The following TPGS2 variants were observed in gnomAD, a reference collection of about 807,000 sequenced individuals.
TPGS2 encodes the protein tubulin polyglutamylase complex subunit 2.
In TPGS2, 26 loss-of-function variants were observed where a neutral mutation model predicts 31.1. The observed-to-expected ratio is 0.84, with a 90% CI of 0.61 to 1.16. The LOEUF (loss-of-function observed/expected upper bound fraction) is 1.16. Among genes scored for constraint, TPGS2 ranks in the 50% most tolerant of loss-of-function variants. The pLI, the probability that TPGS2 is intolerant of heterozygous loss-of-function variation, is 0.00. For synonymous variants in TPGS2, 130 were observed against 136.6 expected (o/e 0.95, Z 0.34); for missense variants, 351 against 363.8 (o/e 0.96, Z 0.29).
At chr18:36,803,371 G>A (rs1417573187) in intron 4 of TPGS2, among the ~76,000 whole-genome samples, 1 of 152,074 alleles carries the variant, frequency 6.6e-6, no homozygotes, top group African/African-American at 2.4e-5. Flanking sequence ...GTCCTCATCT[G>A]CTGAGTTAAT....
At position 36,795,933 on chromosome 18, in the gene TPGS2, G is replaced by A; in HGVS notation, c.*872C>T. Reference sequence around the variant, plus strand: ...GAAGAGTTGTGCAAAACAATGTTTGGGAATTTTTTGTTTTTAAATGGTAAG... The same window carrying A: ...GAAGAGTTGTGCAAAACAATGTTTGAGAATTTTTTGTTTTTAAATGGTAAG... On this transcript the variant is annotated 3_prime_UTR_variant, in exon 7 of 7. Transcript: ENST00000334295. 1.0e-6 allele frequency: 1 copy of A among 985,356 alleles called. No individual in the cohort carries two copies. The highest frequency in any genetic ancestry group is 1.2e-6 in the Non-Finnish European group (1 of 829,910). The allele number at this position is 985,356 out of a possible 1,614,324, so 61.0% of individuals were successfully genotyped here.
In TPGS2 at chr18:36,798,618, G is replaced by C; in HGVS notation, c.497-9C>G. On this transcript the variant is annotated splice_polypyrimidine_tract_variant and intron_variant, in intron 5 of 6. Coordinates refer to ENST00000334295, the MANE Select transcript of TPGS2 (RefSeq NM_015476.4). ...AGTGTCTTCTGCTAATGCTGAAGTA[G>C]AAGACAAAGGAAGTAAAAGATAAAG... 6.2e-7 allele frequency: 1 copy of C among 1,609,802 alleles called. No homozygotes were observed. Among genetic ancestry groups the C allele is most frequent in the Non-Finnish European group, 8.5e-7 (1 of 1,176,836 alleles).
downstream of TPGS2, among the ~76,000 whole-genome samples, chr18:36,793,850 G>A (rs893665362): frequency 2.0e-5 from 3 of 151,622 alleles, no homozygotes; most frequent in African/African-American, 4.9e-5. Flanking sequence ...CCATTCTCCT[G>A]CCTCAGCCTC....
chr18:36,822,118 C>G (rs1021411795), intron 1 of TPGS2, among the ~76,000 whole-genome samples: 30 of 152,210 alleles, frequency 2.0e-4, no homozygotes, highest in African/African-American at 7.0e-4. Context: ...GATTCCACAG[C>G]TATCCTTCTA....
intron 6 of TPGS2, among the ~76,000 whole-genome samples, chr18:36,788,026 T>C (rs887487992): frequency 9.2e-5 from 14 of 152,386 alleles, no homozygotes; most frequent in Middle Eastern, 3.4e-3. Flanking sequence ...CACACACATA[T>C]AGAAGTTCAC....
chr18:36,803,541 A>AGTAT (rs1467053713), intron 4 of TPGS2, among the ~76,000 whole-genome samples: 1 of 152,060 alleles, frequency 6.6e-6, no homozygotes, highest in African/African-American at 2.4e-5. Flanking sequence ...GTCTTTTATT[A>AGTAT]GTATGTATTT....
chr18:36,795,200 A>ATGTT lies in TPGS2; in HGVS notation c.*1601_*1604dup, dbSNP rs2044472322. On this transcript the variant is annotated 3_prime_UTR_variant, in exon 7 of 7. Transcript: ENST00000334295. Reference sequence around the variant, plus strand: ...ACTATTGTCAACAATCAAAATAAACATGTTTCAGAGCAAAAGTGCATGTGG... The same window carrying ATGTT: ...ACTATTGTCAACAATCAAAATAAACATGTTTGTTTCAGAGCAAAAGTGCATGTGG... 1.0e-6 allele frequency: 1 copy of ATGTT among 985,288 alleles called. No homozygotes were observed. Among genetic ancestry groups the ATGTT allele is most frequent in the African/African-American group, 1.7e-5 (1 of 57,216 alleles). The allele number at this position is 985,288 out of a possible 1,614,324, so 61.0% of individuals were successfully genotyped here.
rs747748252 is a variant in TPGS2, at chr18:36,807,888, A to T, written c.212T>A (p.Met71Lys). Residue 71 changes from methionine (M) to lysine (K), a missense_variant, in exon 3 of 7, where the codon ATG becomes AAG. Transcript: ENST00000334295. Reference protein sequence around the residue: ...MPEDVKNFYLMTNGFHMTWSV... With the variant: ...MPEDVKNFYLKTNGFHMTWSV... ...CCATGTCATGTGGAAGCCATTGGTC[A>T]TCAGGTAAAAGTTCTTCACATCTTC... The T allele has an allele frequency of 6.2e-7, 1 of 1,614,202 alleles. No individual in the cohort carries two copies. The highest frequency in any genetic ancestry group is 1.7e-5 in the Admixed American group (1 of 60,032).
In TPGS2 at chr18:36,805,304, A is replaced by G. The variant is rs895327010; in HGVS notation, c.382+70T>C. ...TTCATTCATGCACCAAGATTCATTA[A>G]GTACCTACTATGCGCCAGGCATGGA... On this transcript the variant is annotated intron_variant, in intron 4 of 6. Coordinates refer to ENST00000334295, the MANE Select transcript of TPGS2 (RefSeq NM_015476.4). 6 of 1,544,666 alleles carry G rather than the reference A, an allele frequency of 3.9e-6. No homozygotes were observed. The African/African-American group carries it at 8.2e-5, about 21-fold the overall frequency.
At chr18:36,800,788 G>C (rs1007058545) in intron 4 of TPGS2, among the ~76,000 whole-genome samples, 6 of 151,362 alleles carry the variant, frequency 4.0e-5, no homozygotes, top group African/African-American at 1.5e-4. Context: ...CTCCCGGGTT[G>C]AAGCAATTCT....
chr18:36,798,343 A>C, intron 6 of TPGS2, 106 bp downstream of exon 6: 6 of 1,562,196 alleles, frequency 3.8e-6, no homozygotes, highest in Non-Finnish European at 5.2e-6. Context: ...GCCCCACCCT[A>C]GATCTCCTGA....
intron 2 of TPGS2, among the ~76,000 whole-genome samples, chr18:36,810,016 A>ATATT (rs2045345474): frequency 6.6e-6 from 1 of 152,240 alleles, no homozygotes. Flanking sequence ...GTGAAATCAA[A>ATATT]TATTTAACAC....
Position 36,794,497 on chromosome 18 carries a change from G to C in TPGS2, c.*2308C>G. On this transcript the variant is annotated 3_prime_UTR_variant, in exon 7 of 7. Transcript: ENST00000334295. The stretch of plus-strand genomic sequence containing the variant: ...CTGATTTAGAAATGCTGTGATTCGG[G>C]GGATCTCCAAGTACTAAAAAAGGGG... The C allele has an allele frequency of 1.0e-6, 1 of 985,338 alleles. No homozygotes were observed. The highest frequency in any genetic ancestry group is 6.1e-5 in the Admixed American group (1 of 16,274). The allele number at this position is 985,338 out of a possible 1,614,324, so 61.0% of individuals were successfully genotyped here.
chr18:36,784,608 ACTTT>A (rs1232964387), intron 6 of TPGS2, among the ~76,000 whole-genome samples: 8 of 152,306 alleles, frequency 5.3e-5, no homozygotes, highest in African/African-American at 7.2e-5. Context: ...GGGAAAATGG[ACTTT>A]CTAAGTGATT....
chr18:36,811,725 G>A (rs1275178321), intron 2 of TPGS2, among the ~76,000 whole-genome samples: 1 of 152,066 alleles, frequency 6.6e-6, no homozygotes, highest in African/African-American at 2.4e-5. Flanking sequence ...GGGAAGGCTC[G>A]ACACTCTTTC....
chr18:36,820,005 G>A (rs1008505902), intron 1 of TPGS2, among the ~76,000 whole-genome samples: 2 of 152,158 alleles, frequency 1.3e-5, no homozygotes, highest in Admixed American at 1.3e-4. Flanking sequence ...CTAGGAATAT[G>A]GCAGAAACTT....
Position 36,795,517 on chromosome 18 carries a change from C to T in TPGS2, c.*1288G>A. On this transcript the variant is annotated 3_prime_UTR_variant, in exon 7 of 7. Coordinates refer to ENST00000334295, the MANE Select transcript of TPGS2 (RefSeq NM_015476.4). ...ACTCCCCACTTTCCCTGTTGGGAAG[C>T]AGGGTGAAGGCCTTGCTTCTGCCCA... 3.0e-6 allele frequency: 3 copies of T among 985,456 alleles called. No homozygotes were observed. The highest frequency in any genetic ancestry group is 3.6e-6 in the Non-Finnish European group (3 of 829,944). The allele number at this position is 985,456 out of a possible 1,614,324, so 61.0% of individuals were successfully genotyped here. A position where few individuals can be genotyped will look rare whatever the true frequency, so the allele number is the denominator to read the frequency against.
chr18:36,818,780 T>C, intron 2 of TPGS2, 114 bp downstream of exon 2: 1 of 974,744 alleles, frequency 1.0e-6, no homozygotes. Flanking sequence ...AAACTCTACC[T>C]TGAAAGCAGC....
At chr18:36,803,190 C>G (rs1448499293) in intron 4 of TPGS2, among the ~76,000 whole-genome samples, 1 of 152,128 alleles carries the variant, frequency 6.6e-6, no homozygotes, top group African/African-American at 2.4e-5. Flanking sequence ...TAGCTATAGT[C>G]ATTATGCTGT....
Sources: allele counts gnomAD v4.1 joint callset (sites outside exome capture counted in the v4.1 genomes callset), GRCh38; gene constraint gnomAD v4.1.1; transcripts MANE v1.5; gene names NCBI Gene and HGNC (gene_info 2026-07-23, HGNC 2026-07-21).